Variants in WWP1 observed in about 807,000 individuals in gnomAD.
WWP1 encodes the protein WW domain containing E3 ubiquitin protein ligase 1.
In WWP1, 49 loss-of-function variants were observed where a neutral mutation model predicts 130.6. The ratio of observed to expected loss-of-function variants is 0.38; its 90% CI spans 0.30 to 0.48. The LOEUF (loss-of-function observed/expected upper bound fraction) is 0.48. Among genes scored for constraint, WWP1 ranks in the 20% least tolerant of loss-of-function variants. The pLI, the probability that WWP1 is intolerant of heterozygous loss-of-function variation, is 0.99. For synonymous variants in WWP1, 332 were observed against 367.8 expected (o/e 0.90, Z 1.11); for missense variants, 809 against 1,100.6 (o/e 0.74, Z 3.75).
At position 86,452,698 on chromosome 8, in the gene WWP1, G is replaced by C; in HGVS notation, c.2394+19G>C. The C allele has an allele frequency of 6.2e-7, 1 of 1,610,554 alleles. No homozygotes were observed. ...ATTAGAGGTTAGGCCCTTTTATTAT[G>C]CTATTGTAGGGAATGTTAGTGGGGG... On this transcript the variant is annotated intron_variant, in intron 21 of 24. Coordinates refer to ENST00000517970, the MANE Select transcript of WWP1 (RefSeq NM_007013.4).
chr8:86,376,810 C>T (rs140972703), intron 3 of WWP1, among the ~76,000 whole-genome samples: 1 of 152,262 alleles, frequency 6.6e-6, no homozygotes, highest in Non-Finnish European at 1.5e-5. Flanking sequence ...TGATCATGGA[C>T]CTGTGCTAAA....
intron 8 of WWP1, among the ~76,000 whole-genome samples, chr8:86,403,774 T>C (rs1380649619): frequency 6.6e-6 from 1 of 150,488 alleles, no homozygotes; most frequent in Non-Finnish European, 1.5e-5. Flanking sequence ...TAAAATACGG[T>C]TTCCCAAGTA....
intron 22 of WWP1, 57 bp downstream of exon 22, chr8:86,458,082 G>T: frequency 7.0e-7 from 1 of 1,431,862 alleles, no homozygotes; most frequent in Non-Finnish European, 9.7e-7. Flanking sequence ...TAATGAAATG[G>T]TGGTTTTAAA....
At chr8:86,343,406 C>G (rs558024127) in intron 1 of WWP1, 1 of 152,214 alleles carries the variant, frequency 6.6e-6, no homozygotes, top group East Asian at 1.9e-4. Context: ...CGTTCTTCAC[C>G]GACTCTGCAG....
chr8:86,394,424 TCA>T (rs1262820565), intron 5 of WWP1, among the ~76,000 whole-genome samples: 3 of 152,156 alleles, frequency 2.0e-5, no homozygotes, highest in Admixed American at 1.3e-4. Context: ...CTACCTTCTC[TCA>T]GTTGCTGAGG....
chr8:86,353,172 A>G (rs1035572240), intron 1 of WWP1, among the ~76,000 whole-genome samples: 1 of 152,148 alleles, frequency 6.6e-6, no homozygotes, highest in African/African-American at 2.4e-5. Context: ...GTCATGAGAA[A>G]AGGTTTGAAT....
At chr8:86,416,366 G>A (rs1309882832) in intron 9 of WWP1, among the ~76,000 whole-genome samples, 1 of 152,154 alleles carries the variant, frequency 6.6e-6, no homozygotes, top group Non-Finnish European at 1.5e-5. Flanking sequence ...AGACTGACAG[G>A]TTGATCTGCT....
intron 16 of WWP1, among the ~76,000 whole-genome samples, chr8:86,436,079 C>T (rs748565197): frequency 6.6e-6 from 1 of 152,188 alleles, no homozygotes; most frequent in South Asian, 2.1e-4. Context: ...CGGCATCTTA[C>T]ATTTCTCATT....
At chr8:86,367,278 T>C (rs989956794) in intron 1 of WWP1, among the ~76,000 whole-genome samples, 7 of 152,354 alleles carry the variant, frequency 4.6e-5, no homozygotes, top group African/African-American at 1.4e-4. Flanking sequence ...TAAGTATGTT[T>C]GTTAATTGAT....
chr8:86,391,561 T>C (rs1807339898), intron 5 of WWP1, among the ~76,000 whole-genome samples: 1 of 152,214 alleles, frequency 6.6e-6, no homozygotes, highest in South Asian at 2.1e-4. Context: ...GGACACTGTT[T>C]AGAGTAGTCA....
chr8:86,444,427 A>G (rs1398571521), intron 18 of WWP1, among the ~76,000 whole-genome samples: 1 of 152,190 alleles, frequency 6.6e-6, no homozygotes, highest in Non-Finnish European at 1.5e-5. Flanking sequence ...GGCATTTGGG[A>G]ATTCTTGGCA....
chr8:86,348,786 A>C (rs1822748095), intron 1 of WWP1, among the ~76,000 whole-genome samples: 1 of 152,342 alleles, frequency 6.6e-6, no homozygotes, highest in South Asian at 2.1e-4. Flanking sequence ...ACAAGGAACC[A>C]GGTGAGTGTT....
chr8:86,349,372 G>A (rs559252693), intron 1 of WWP1, among the ~76,000 whole-genome samples: 1 of 152,320 alleles, frequency 6.6e-6, no homozygotes, highest in South Asian at 2.1e-4. Context: ...TATCATTTCT[G>A]CCTTATTATA....
At chr8:86,365,576 A>G (rs569464990) in intron 1 of WWP1, among the ~76,000 whole-genome samples, 23 of 152,334 alleles carry the variant, frequency 1.5e-4, no homozygotes, top group Admixed American at 1.5e-3. Flanking sequence ...TCTGCAGCAC[A>G]CTTGTAAGTT....
intron 8 of WWP1, chr8:86,405,263 A>G (rs1421837869): frequency 6.6e-6 from 1 of 151,992 alleles, no homozygotes; most frequent in Non-Finnish European, 1.5e-5. Context: ...GTGTAACATA[A>G]TTAAATGCTT....
intron 11 of WWP1, among the ~76,000 whole-genome samples, chr8:86,429,672 T>C (rs1809827976): frequency 6.6e-6 from 1 of 152,206 alleles, no homozygotes. Flanking sequence ...TTAGTGGGCA[T>C]TTGTTTTAAA....
intron 14 of WWP1, among the ~76,000 whole-genome samples, chr8:86,433,229 CTTTTTTTTTT>C (rs11321240): frequency 8.4e-6 from 1 of 119,048 alleles, no homozygotes; most frequent in Admixed American, 8.6e-5. Flanking sequence ...TCCTAAGCCT[CTTTTTTTTTT>C]TTTTTTTTTG....
At chr8:86,420,276 C>T (rs185782910) in intron 9 of WWP1, among the ~76,000 whole-genome samples, 4 of 152,076 alleles carry the variant, frequency 2.6e-5, no homozygotes, top group East Asian at 1.9e-4. Context: ...TGAGCTTGAA[C>T]GTTTTAAGAG....
chr8:86,352,546 T>C (rs1277069648), intron 1 of WWP1, among the ~76,000 whole-genome samples: 1 of 151,944 alleles, frequency 6.6e-6, no homozygotes. Flanking sequence ...TTATTTTTCT[T>C]AGAGATGGGG....
Sources: allele counts gnomAD v4.1 joint callset (sites outside exome capture counted in the v4.1 genomes callset), GRCh38; gene constraint gnomAD v4.1.1; transcripts MANE v1.5; gene names NCBI Gene and HGNC (gene_info 2026-07-23, HGNC 2026-07-21).